LAMB4: variants seen among roughly 807,000 people sequenced by gnomAD.
The protein encoded by LAMB4 is laminin subunit beta 4, also known as laminin subunit beta-4.
In LAMB4, 196 loss-of-function variants were observed where a neutral mutation model predicts 199.2. The observed-to-expected ratio is 0.98, with a 90% confidence interval of 0.88 to 1.11. LAMB4 has a LOEUF of 1.11. LAMB4 is among the 50% of genes least tolerant of loss of function. The pLI, the probability that LAMB4 is intolerant of heterozygous loss-of-function variation, is 0.00. For missense variants in LAMB4, 2,080 were observed against 2,171.2 expected (o/e 0.96, Z 0.83); for synonymous variants, 744 against 770.6 (o/e 0.97, Z 0.57).
At position 108,109,521 on chromosome 7, in the gene LAMB4, T is replaced by A. The variant is rs957897695; in HGVS notation, c.329-277A>T. Among the ~76,000 whole-genome samples the A allele has an allele frequency of 3.9e-5, 6 of 152,324 alleles. No homozygotes were observed. In the East Asian group the frequency reaches 9.7e-4, roughly 25 times the overall value. ...AGCATTACATATGACCAAGGGAGTT[T>A]CAGGACATTTGCCCTAGGTGGAAAG... On this transcript the variant is annotated intron_variant, in intron 4 of 33. Coordinates refer to ENST00000388781, the MANE Select transcript of LAMB4 (RefSeq NM_007356.3).
Position 108,078,301 on chromosome 7 carries a change from T to A in LAMB4, c.1903A>T (p.Thr635Ser). The change falls in exon 16 of 34, where the codon ACT becomes TCT. Residue 635 changes from threonine to serine, a missense_variant. Physicochemically the swap from Thr to Ser is moderately conservative, Grantham distance 58. Transcript: ENST00000388781. ...HYETQSAADW[T>S]VQIVVNPPGG... ...GGGGGGTTCACCACAATCTGGACAG[T>A]CCAGTCAGCTGCAGACTAGACAGGC... 1 of 1,603,722 alleles carries A rather than the reference T, an allele frequency of 6.2e-7. No individual in the cohort carries two copies. Among genetic ancestry groups the A allele is most frequent in the South Asian group, 1.1e-5 (1 of 89,242 alleles).
intron 25 of LAMB4, 52 bp downstream of exon 25, chr7:108,055,580 A>T: frequency 1.3e-6 from 2 of 1,541,400 alleles, no homozygotes; most frequent in South Asian, 2.5e-5. Flanking sequence ...GCTTGGTGGG[A>T]GTTAAGGTAA....
At chr7:108,103,404 C>T (rs1430974684) in intron 9 of LAMB4, among the ~76,000 whole-genome samples, 172 bp from the exon 10 acceptor site, 1 of 152,184 alleles carries the variant, frequency 6.6e-6, no homozygotes, top group Non-Finnish European at 1.5e-5. Context: ...CTCAGGGGAT[C>T]GTTCTAACAC....
At chr7:108,114,723 C>A (rs929114288) in intron 3 of LAMB4, among the ~76,000 whole-genome samples, 1 of 152,208 alleles carries the variant, frequency 6.6e-6, no homozygotes, top group Non-Finnish European at 1.5e-5. Context: ...GCCTGGACCA[C>A]TAACATTAGG....
chr7:108,015,705 T>C, the LAMB4 span, among the ~76,000 whole-genome samples: 3 of 151,906 alleles, frequency 2.0e-5, no homozygotes, highest in Non-Finnish European at 4.4e-5. Context: ...GTTATTTCTA[T>C]ATGTAGTCCT....
chr7:108,047,740 T>C (rs2035678981), intron 28 of LAMB4, among the ~76,000 whole-genome samples, 168 bp downstream of exon 28: 1 of 152,220 alleles, frequency 6.6e-6, no homozygotes, highest in African/African-American at 2.4e-5. Context: ...TGTTTCTAAA[T>C]CTACATTCAT....
chr7:108,043,975 G>A, intron 28 of LAMB4, 79 bp from the exon 29 acceptor site: 1 of 1,258,102 alleles, frequency 7.9e-7, no homozygotes, highest in Non-Finnish European at 1.1e-6. Context: ...TAATTACTTA[G>A]CTGGACCAAA....
chr7:108,064,406 G>A (rs1010303250), intron 21 of LAMB4, among the ~76,000 whole-genome samples: 1 of 152,182 alleles, frequency 6.6e-6, no homozygotes, highest in African/African-American at 2.4e-5. Flanking sequence ...TGAAGAGAAA[G>A]TCCCAAACAG....
At chr7:108,130,024 A>G (rs991850849) in intron 1 of LAMB4, among the ~76,000 whole-genome samples, 2 of 152,246 alleles carry the variant, frequency 1.3e-5, no homozygotes, top group African/African-American at 2.4e-5. Flanking sequence ...ACATTTCAAC[A>G]CTACATCATT....
chr7:108,021,499 C>A (rs952737996), downstream of LAMB4, among the ~76,000 whole-genome samples: 9 of 152,192 alleles, frequency 5.9e-5, no homozygotes, highest in East Asian at 1.7e-3. Flanking sequence ...CACCTGAGTT[C>A]GGGAGTTTGA....
chr7:108,023,400 C>A (rs2034733086), downstream of LAMB4: 1 of 152,120 alleles, frequency 6.6e-6, no homozygotes, highest in Non-Finnish European at 1.5e-5. Context: ...TAAAAATAAG[C>A]AACACATTTT....
Position 108,043,545 on chromosome 7 carries a change from G to GTGTTTTTTTTTTTTTTTTTT in LAMB4, c.4471+206_4471+207insAAAAAAAAAAAAAAAAAACA, listed in dbSNP as rs2035496985. Among the ~76,000 whole-genome samples, 2 of 56,002 alleles carry GTGTTTTTTTTTTTTTTTTTT rather than the reference G, an allele frequency of 3.6e-5. 1 individual carries two copies. Among genetic ancestry groups the GTGTTTTTTTTTTTTTTTTTT allele is most frequent in the African/African-American group, 2.9e-4 (2 of 6,846 alleles). 36.7% of individuals were successfully genotyped at this position (56,002 alleles called of 152,430 possible). A position where few individuals can be genotyped will look rare whatever the true frequency, so the allele number is the denominator to read the frequency against. ...AATATAATTTGGAACTGGCTATGATGTTTTTTTTTTTTTTTTTTTTTTTTT... is the reference window on the plus strand; with the variant it reads ...AATATAATTTGGAACTGGCTATGATGTGTTTTTTTTTTTTTTTTTTTTTTTTTTTTTTTTTTTTTTTTTTT... On this transcript the variant is annotated intron_variant, in intron 29 of 33. Transcript: ENST00000388781.
intron 2 of LAMB4, 79 bp downstream of exon 2, chr7:108,123,052 G>T: frequency 7.9e-7 from 1 of 1,258,802 alleles, no homozygotes; most frequent in Non-Finnish European, 1.1e-6. Context: ...AGACAGAAGT[G>T]AATATGTTTA....
chr7:108,094,490 C>T (rs1215230783), intron 12 of LAMB4, among the ~76,000 whole-genome samples: 1 of 151,988 alleles, frequency 6.6e-6, no homozygotes, highest in African/African-American at 2.4e-5. Context: ...AAACCATGTC[C>T]TCATAGGCAT....
chr7:108,088,335 G>A (rs1351035327), intron 14 of LAMB4, among the ~76,000 whole-genome samples: 2 of 152,062 alleles, frequency 1.3e-5, no homozygotes, highest in East Asian at 3.9e-4. Flanking sequence ...GCTAATTTTT[G>A]TATTTTTAGT....
chr7:108,067,950 CTT>C, intron 19 of LAMB4, 64 bp downstream of exon 19: 1 of 1,601,620 alleles, frequency 6.2e-7, no homozygotes, highest in Non-Finnish European at 8.5e-7. Flanking sequence ...CCCTCCATGA[CTT>C]TGCCTGCTGT....
At chr7:108,096,479 A>T (rs2037601571) in intron 11 of LAMB4, among the ~76,000 whole-genome samples, 1 of 152,148 alleles carries the variant, frequency 6.6e-6, no homozygotes, top group Non-Finnish European at 1.5e-5. Flanking sequence ...TATCCCTTCA[A>T]AGCTCTGCTT....
chr7:108,026,732 G>A (rs2034851160), intron 33 of LAMB4: 3 of 307,290 alleles, frequency 9.8e-6, no homozygotes, highest in South Asian at 5.6e-5. Flanking sequence ...GAAGACTAGA[G>A]TCCATTCCCC....
In LAMB4 at chr7:108,063,789, A is replaced by G; in HGVS notation, c.3033T>C (p.Tyr1011=). The G allele has an allele frequency of 1.2e-6, 2 of 1,614,198 alleles. No homozygotes were observed. Among genetic ancestry groups the G allele is most frequent in the Non-Finnish European group, 1.7e-6 (2 of 1,180,016 alleles). The change falls in exon 22 of 34, where the codon TAT becomes TAC. Residue 1011 remains tyrosine (Y), a synonymous_variant. Transcript: ENST00000388781. ...ANCQLCKPGH[Y]GSALNQTCRR... ...TGCAGGTCTGATTGAGGGCTGATCC[A>G]TAGTGACCTGGTTTGCAGAGCTGGC...
Sources: gnomAD v4.1 joint callset for allele counts (sites outside exome capture counted in the v4.1 genomes callset) on GRCh38, gnomAD v4.1.1 for gene constraint, MANE v1.5 for transcripts, NCBI Gene and HGNC (gene_info 2026-07-23, HGNC 2026-07-21) for gene names.